The following GRM1 variants were observed in gnomAD, a reference collection of about 807,000 sequenced individuals.
The protein encoded by GRM1 is glutamate metabotropic receptor 1.
In GRM1, 33 loss-of-function variants were observed where a neutral mutation model predicts 90.9. The ratio of observed to expected loss-of-function variants is 0.36; its 90% confidence interval spans 0.28 to 0.49. The LOEUF is 0.49. Ranked by LOEUF, GRM1 falls within the 20% of genes least tolerant of loss-of-function variation. The pLI is 0.99. For synonymous variants in GRM1, 700 were observed against 613.2 expected (o/e 1.14, Z -2.09); for missense variants, 1,190 against 1,534.3 (o/e 0.78, Z 3.75).
chr6:146,204,371 G>C (rs2114625315), intron 2 of GRM1, among the ~76,000 whole-genome samples: 1 of 152,246 alleles, frequency 6.6e-6, no homozygotes, highest in Admixed American at 6.5e-5. Flanking sequence ...GTACACATAA[G>C]CACAGAAAAA....
intron 2 of GRM1, among the ~76,000 whole-genome samples, chr6:146,210,624 AAGACCCAGG>A (rs772495116): frequency 3.3e-5 from 5 of 152,108 alleles, no homozygotes; most frequent in Non-Finnish European, 5.9e-5. Flanking sequence ...GAAATAGAAC[AAGACCCAGG>A]AGCCTGCCCA....
chr6:146,346,192 T>C (rs993822268), intron 3 of GRM1, among the ~76,000 whole-genome samples: 2 of 152,360 alleles, frequency 1.3e-5, no homozygotes, highest in South Asian at 2.1e-4. Context: ...CCATACCTTA[T>C]TGTCAATTTG....
chr6:146,104,768 C>G (rs1562465570), intron 1 of GRM1, among the ~76,000 whole-genome samples: 1 of 152,124 alleles, frequency 6.6e-6, no homozygotes, highest in Non-Finnish European at 1.5e-5. Flanking sequence ...CAACACCATA[C>G]TGTAAAAAAT....
chr6:146,160,435 G>C (rs1777681000), intron 2 of GRM1, among the ~76,000 whole-genome samples: 1 of 152,156 alleles, frequency 6.6e-6, no homozygotes, highest in Non-Finnish European at 1.5e-5. Flanking sequence ...TAATTTGCCA[G>C]CTTCTAATAT....
chr6:146,389,732 C>G (rs955736776), intron 6 of GRM1, among the ~76,000 whole-genome samples: 1 of 152,114 alleles, frequency 6.6e-6, no homozygotes. Flanking sequence ...TAACAACAGG[C>G]ATGCAGCTGC....
At chr6:146,224,421 G>A (rs1256785820) in intron 2 of GRM1, among the ~76,000 whole-genome samples, 5 of 152,018 alleles carry the variant, frequency 3.3e-5, no homozygotes, top group Non-Finnish European at 7.4e-5. Context: ...ACAACAGAAG[G>A]GGCTTGTAGC....
At chr6:146,215,152 G>A (rs12197749) in intron 2 of GRM1, among the ~76,000 whole-genome samples, 17,809 of 152,092 alleles carry the variant, frequency 0.12, 1,519 homozygotes, top group Non-Finnish European at 0.18. Context: ...CACCATTTTT[G>A]CCTTTAAATA....
At chr6:146,202,262 A>G (rs767246677) in intron 2 of GRM1, among the ~76,000 whole-genome samples, 1 of 152,198 alleles carries the variant, frequency 6.6e-6, no homozygotes, top group Non-Finnish European at 1.5e-5. Flanking sequence ...TAGTATTCCC[A>G]TAAATGTATT....
intron 3 of GRM1, among the ~76,000 whole-genome samples, chr6:146,331,513 A>G (rs188115353): frequency 7.0e-4 from 106 of 152,316 alleles, no homozygotes; most frequent in Admixed American, 1.5e-3. Context: ...GCATGTATAG[A>G]TTTAAAATCC....
chr6:146,357,281 A>C (rs1468415020), intron 4 of GRM1, among the ~76,000 whole-genome samples: 1 of 152,244 alleles, frequency 6.6e-6, no homozygotes, highest in Non-Finnish European at 1.5e-5. Flanking sequence ...GAGGATAAGC[A>C]GAGAGAAAAG....
At chr6:146,144,085 T>C (rs373059808) in intron 1 of GRM1, among the ~76,000 whole-genome samples, 5 of 152,308 alleles carry the variant, frequency 3.3e-5, no homozygotes, top group South Asian at 2.1e-4. Context: ...TTATGGAGCC[T>C]GGGGAGTTGA....
chr6:146,185,671 A>T (rs571599164), intron 2 of GRM1, among the ~76,000 whole-genome samples: 1 of 152,282 alleles, frequency 6.6e-6, no homozygotes, highest in South Asian at 2.1e-4. Flanking sequence ...TGGGAGTAAA[A>T]TTCTCTGAAA....
chr6:146,313,422 G>C (rs1783842402), intron 3 of GRM1, among the ~76,000 whole-genome samples: 1 of 152,082 alleles, frequency 6.6e-6, no homozygotes, highest in African/African-American at 2.4e-5. Context: ...ATCTATGACT[G>C]TTCATAAATA....
intron 3 of GRM1, among the ~76,000 whole-genome samples, chr6:146,310,494 G>GCAACCCAAC (rs1783734707): frequency 1.1e-4 from 17 of 152,142 alleles, no homozygotes; most frequent in Admixed American, 1.1e-3. Flanking sequence ...CCAGAAGTTG[G>GCAACCCAAC]TATTATTAGT....
At chr6:146,210,644 T>C (rs1332846902) in intron 2 of GRM1, among the ~76,000 whole-genome samples, 2 of 152,112 alleles carry the variant, frequency 1.3e-5, no homozygotes, top group Non-Finnish European at 2.9e-5. Flanking sequence ...AGCCTGCCCA[T>C]GACACTGTTG....
intron 6 of GRM1, among the ~76,000 whole-genome samples, chr6:146,388,710 T>G (rs1054479464): frequency 1.3e-5 from 2 of 152,088 alleles, no homozygotes; most frequent in African/African-American, 4.8e-5. Flanking sequence ...CCTCCAGAGA[T>G]TCCGCTTTGC....
rs1038706650 is a variant in GRM1, at chr6:146,437,203, T to C, written c.*2407T>C. On this transcript the variant is annotated 3_prime_UTR_variant, in exon 8 of 8. Transcript: ENST00000282753. ...TTACTCTTAATGCCACTAATATACA[T>C]CCCTAATATCACAGGGCTTGTGCAT... 13 of 152,182 alleles carry C rather than the reference T, an allele frequency of 8.5e-5. No homozygotes were observed. Among genetic ancestry groups the C allele is most frequent in the African/African-American group, 3.1e-4 (13 of 41,450 alleles). The allele number at this position is 152,182 out of a possible 1,614,324, so 9.4% of individuals were successfully genotyped here.
chr6:146,074,769 A>G (rs1318092645), intron 1 of GRM1, among the ~76,000 whole-genome samples: 5 of 152,172 alleles, frequency 3.3e-5, no homozygotes, highest in Non-Finnish European at 7.3e-5. Flanking sequence ...CTAGAGAGTC[A>G]TAAATCCGAC....
intron 7 of GRM1, among the ~76,000 whole-genome samples, chr6:146,409,350 A>G (rs775392312): frequency 1.3e-5 from 2 of 152,184 alleles, no homozygotes; most frequent in Admixed American, 6.5e-5. Context: ...TGCATAGCAC[A>G]GAGAGAAATA....
Sources: gnomAD v4.1 joint callset for allele counts (sites outside exome capture counted in the v4.1 genomes callset) on GRCh38, gnomAD v4.1.1 for gene constraint, MANE v1.5 for transcripts, NCBI Gene and HGNC (gene_info 2026-07-23, HGNC 2026-07-21) for gene names.